Variants in ELP4 observed in about 807,000 individuals in gnomAD.
ELP4 encodes elongator acetyltransferase complex subunit 4.
Under a neutral mutation model 48.9 loss-of-function variants are expected in ELP4, and 51 were observed. That is an observed-to-expected ratio of 1.04 (90% confidence interval 0.83 to 1.32). The LOEUF (loss-of-function observed/expected upper bound fraction) is 1.32, where lower values mean the gene tolerates loss of function less well. Among genes scored for constraint, ELP4 ranks in the 40% most tolerant of loss-of-function variants. The pLI is 0.00. For missense variants in ELP4, 519 were observed against 514.6 expected (o/e 1.01, Z -0.08); for synonymous variants, 210 against 189.2 (o/e 1.11, Z -0.90).
At chr11:31,560,832 CTG>C (rs2133941963) in intron 3 of ELP4, among the ~76,000 whole-genome samples, 1 of 150,894 alleles carries the variant, frequency 6.6e-6, no homozygotes, top group South Asian at 2.1e-4. Flanking sequence ...GGTTCTAATA[CTG>C]TATTTTTATG....
chr11:31,525,364 G>A (rs1157516221), intron 2 of ELP4, among the ~76,000 whole-genome samples: 1 of 152,136 alleles, frequency 6.6e-6, no homozygotes, highest in Admixed American at 6.5e-5. Flanking sequence ...CTCTTACAAT[G>A]TGTTCAGCAC....
At chr11:31,550,974 C>T (rs1394954375) in intron 3 of ELP4, among the ~76,000 whole-genome samples, 1 of 152,144 alleles carries the variant, frequency 6.6e-6, no homozygotes, top group Non-Finnish European at 1.5e-5. Context: ...TCTTCCGGAT[C>T]ATACTGGTAA....
chr11:31,550,240 A>G (rs1956821716), intron 3 of ELP4, among the ~76,000 whole-genome samples: 2 of 152,162 alleles, frequency 1.3e-5, no homozygotes, highest in Non-Finnish European at 2.9e-5. Context: ...AAGTGAGTAT[A>G]AAATACTTTT....
intron 9 of ELP4, among the ~76,000 whole-genome samples, chr11:31,702,254 A>C (rs1946540073): frequency 6.6e-6 from 1 of 152,040 alleles, no homozygotes; most frequent in South Asian, 2.1e-4. Context: ...AGTAAACTGT[A>C]ATTGGGCCAC....
intron 3 of ELP4, among the ~76,000 whole-genome samples, chr11:31,542,459 A>G (rs566640205): frequency 2.0e-5 from 3 of 152,322 alleles, no homozygotes; most frequent in South Asian, 4.1e-4. Context: ...ACTACCTGAC[A>G]ATATTAGAAG....
intron 9 of ELP4, among the ~76,000 whole-genome samples, chr11:31,695,898 G>C (rs1256233481): frequency 1.3e-5 from 2 of 151,616 alleles, no homozygotes; most frequent in African/African-American, 2.4e-5. Flanking sequence ...AGTCTTGAGA[G>C]GGTGTATGTG....
At chr11:31,620,029 A>G (rs1200737471) in intron 5 of ELP4, among the ~76,000 whole-genome samples, 1 of 152,042 alleles carries the variant, frequency 6.6e-6, no homozygotes, top group East Asian at 1.9e-4. Context: ...TTATAAACTG[A>G]TAATGAAGAT....
At chr11:31,682,557 T>C (rs1325325243) in intron 9 of ELP4, among the ~76,000 whole-genome samples, 1 of 152,188 alleles carries the variant, frequency 6.6e-6, no homozygotes, top group African/African-American at 2.4e-5. Context: ...ATTGTTCAGT[T>C]CCCTCATTTT....
At chr11:31,661,899 C>T (rs917899876) in intron 9 of ELP4, among the ~76,000 whole-genome samples, 2 of 151,982 alleles carry the variant, frequency 1.3e-5, no homozygotes, top group African/African-American at 4.8e-5. Context: ...GGATATTCTA[C>T]AATTTTATTT....
chr11:31,560,694 A>AC (rs1957006393), intron 3 of ELP4, among the ~76,000 whole-genome samples: 1 of 147,620 alleles, frequency 6.8e-6, no homozygotes, highest in Non-Finnish European at 1.5e-5. Flanking sequence ...ATTGTTTTAT[A>AC]TATATATAAA....
At chr11:31,683,483 C>T (rs16922395) in intron 9 of ELP4, among the ~76,000 whole-genome samples, 4,317 of 152,174 alleles carry the variant, frequency 0.028, 207 homozygotes, top group African/African-American at 0.099. Context: ...AATTTTACTG[C>T]AGGACAGATG....
chr11:31,719,477 G>A (rs1316117073), intron 9 of ELP4: 4 of 398,050 alleles, frequency 1.0e-5, no homozygotes, highest in East Asian at 7.1e-5. Flanking sequence ...TATTAGGATT[G>A]GAGGAAGAGT....
At chr11:31,554,185 GTAA>G (rs1393995106) in intron 3 of ELP4, among the ~76,000 whole-genome samples, 1 of 152,154 alleles carries the variant, frequency 6.6e-6, no homozygotes, top group Non-Finnish European at 1.5e-5. Flanking sequence ...GTATATCAGT[GTAA>G]TAATGATAGA....
At chr11:31,734,053 T>A (rs933288523) in intron 9 of ELP4, among the ~76,000 whole-genome samples, 3 of 152,224 alleles carry the variant, frequency 2.0e-5, no homozygotes, top group Non-Finnish European at 1.5e-5. Flanking sequence ...GATGCAAGGA[T>A]GGCTCAACAT....
intron 2 of ELP4, among the ~76,000 whole-genome samples, chr11:31,522,769 C>G (rs370720950): frequency 1.3e-5 from 2 of 152,082 alleles, no homozygotes; most frequent in East Asian, 1.9e-4. Context: ...TCAGTTCACC[C>G]TAATCTCACC....
chr11:31,550,403 A>G (rs1956828878), intron 3 of ELP4, among the ~76,000 whole-genome samples: 1 of 152,166 alleles, frequency 6.6e-6, no homozygotes, highest in Non-Finnish European at 1.5e-5. Flanking sequence ...TTGTGGAAAA[A>G]TGGAATTAAA....
At chr11:31,578,352 T>A (rs953119830) in intron 3 of ELP4, among the ~76,000 whole-genome samples, 38 of 152,134 alleles carry the variant, frequency 2.5e-4, no homozygotes, top group Non-Finnish European at 4.9e-4. Context: ...CTTGTGAAAA[T>A]GACTATACTG....
intron 9 of ELP4, among the ~76,000 whole-genome samples, chr11:31,680,971 T>A: frequency 6.6e-6 from 1 of 152,122 alleles, no homozygotes; most frequent in Non-Finnish European, 1.5e-5. Flanking sequence ...AGCTGACGTA[T>A]CAAAAAAAGA....
At chr11:31,587,126 A>G (rs1305821620) in intron 3 of ELP4, among the ~76,000 whole-genome samples, 3 of 152,162 alleles carry the variant, frequency 2.0e-5, no homozygotes, top group Admixed American at 2.0e-4. Flanking sequence ...TCTAGAATAT[A>G]ACTTCATGAA....
Sources: allele counts gnomAD v4.1 joint callset (sites outside exome capture counted in the v4.1 genomes callset), GRCh38; gene constraint gnomAD v4.1.1; transcripts MANE v1.5; gene names NCBI Gene and HGNC (gene_info 2026-07-23, HGNC 2026-07-21).